RB1: variants seen among roughly 807,000 people sequenced by gnomAD.
RB1 encodes the protein retinoblastoma-associated protein.
RB1 carries 18 observed loss-of-function variants against 135.4 expected under a neutral mutation model. The ratio of observed to expected loss-of-function variants is 0.13; its 90% CI spans 0.09 to 0.20. The LOEUF is 0.20. Ranked by LOEUF, RB1 falls within the 10% of genes least tolerant of loss-of-function variation. The pLI is 1.00. For missense variants in RB1, 868 were observed against 1,110.0 expected, an observed-to-expected ratio of 0.78 and a Z score of 3.10; for synonymous variants, 365 against 373.2, an observed-to-expected ratio of 0.98 and a Z score of 0.25.
chr13:48,453,137 CCATT>C, intron 18 of RB1, 26 bp downstream of exon 18: 7 of 1,587,138 alleles, frequency 4.4e-6, no homozygotes, highest in Non-Finnish European at 6.0e-6. Context: ...GTTATGTTGA[CCATT>C]CAAACTGCAA....
At chr13:48,403,351 C>T (rs780647172) in intron 17 of RB1, among the ~76,000 whole-genome samples, 76 of 152,264 alleles carry the variant, frequency 5.0e-4, no homozygotes, top group Non-Finnish European at 1.0e-3. Context: ...AAAAAAGACA[C>T]ATATCACAGG....
intron 17 of RB1, among the ~76,000 whole-genome samples, chr13:48,442,744 T>C (rs1314352610): frequency 3.3e-5 from 5 of 152,198 alleles, no homozygotes; most frequent in African/African-American, 1.2e-4. Flanking sequence ...TCAGACATCC[T>C]CAAGTAAACC....
intron 17 of RB1, among the ~76,000 whole-genome samples, chr13:48,409,926 T>C (rs1007670316): frequency 6.6e-6 from 1 of 152,152 alleles, no homozygotes; most frequent in African/African-American, 2.4e-5. Flanking sequence ...AAAGTTTTAG[T>C]GTACTTGGTA....
chr13:48,476,197 T>C (rs1309478240), intron 24 of RB1, among the ~76,000 whole-genome samples: 1 of 152,216 alleles, frequency 6.6e-6, no homozygotes, highest in African/African-American at 2.4e-5. Flanking sequence ...ATATAATTTC[T>C]ATCAGAAAGT....
intron 12 of RB1, among the ~76,000 whole-genome samples, chr13:48,374,870 C>T (rs1952803548): frequency 6.6e-6 from 1 of 152,062 alleles, no homozygotes; most frequent in African/African-American, 2.4e-5. Context: ...TTCCTTCCCT[C>T]CTCCCTCTAG....
At chr13:48,413,306 T>C (rs1353220832) in intron 17 of RB1, among the ~76,000 whole-genome samples, 2 of 152,202 alleles carry the variant, frequency 1.3e-5, no homozygotes, top group Admixed American at 6.5e-5. Flanking sequence ...TCATTAACTC[T>C]TTTTATGTGG....
intron 17 of RB1, among the ~76,000 whole-genome samples, chr13:48,425,979 G>A (rs772419606): frequency 1.3e-5 from 2 of 152,170 alleles, no homozygotes; most frequent in African/African-American, 2.4e-5. Flanking sequence ...CTCACAAGAA[G>A]TACCCAACCC....
intron 17 of RB1, among the ~76,000 whole-genome samples, chr13:48,388,818 G>T (rs1948589540): frequency 6.6e-6 from 1 of 152,128 alleles, no homozygotes; most frequent in African/African-American, 2.4e-5. Flanking sequence ...AAAAGAGATT[G>T]AAATAGAACA....
intron 26 of RB1, among the ~76,000 whole-genome samples, chr13:48,479,439 A>C (rs1228750119): frequency 6.6e-6 from 1 of 152,226 alleles, no homozygotes; most frequent in East Asian, 1.9e-4. Context: ...GTGGCCTACA[A>C]AATGGGGCAT....
At chr13:48,334,607 C>A (rs969146209) in intron 2 of RB1, among the ~76,000 whole-genome samples, 1 of 152,172 alleles carries the variant, frequency 6.6e-6, no homozygotes, top group African/African-American at 2.4e-5. Flanking sequence ...TCACAAAGTG[C>A]AAGCTAGATA....
At chr13:48,400,818 C>A (rs1202261806) in intron 17 of RB1, among the ~76,000 whole-genome samples, 2 of 152,124 alleles carry the variant, frequency 1.3e-5, no homozygotes, top group Non-Finnish European at 2.9e-5. Context: ...TAGTACCCTT[C>A]ATTCCTTTTC....
chr13:48,327,718 G>A (rs1952300086), intron 2 of RB1, among the ~76,000 whole-genome samples: 1 of 152,190 alleles, frequency 6.6e-6, no homozygotes. Context: ...AGTTAAGAGA[G>A]TAACTGCTTG....
chr13:48,328,080 T>A, intron 2 of RB1: 1 of 840,054 alleles, frequency 1.2e-6, no homozygotes, highest in South Asian at 1.4e-5. Flanking sequence ...AAACATCATT[T>A]AATTGTCTTG....
At chr13:48,412,142 C>T in intron 17 of RB1, 3 of 1,613,858 alleles carry the variant, frequency 1.9e-6, no homozygotes, top group Non-Finnish European at 1.7e-6. Context: ...TATAAAACAG[C>T]ATCACAGAAA....
intron 17 of RB1, among the ~76,000 whole-genome samples, chr13:48,422,261 A>C (rs1197245165): frequency 6.6e-6 from 1 of 152,150 alleles, no homozygotes; most frequent in Non-Finnish European, 1.5e-5. Context: ...GCAAACTAAC[A>C]CAGGAACAGA....
rs146653159 is a variant in RB1 at position 48,434,584 on chromosome 13, T to C, written c.1696-18409T>C. Among the ~76,000 whole-genome samples, 394 of 152,226 alleles carry C rather than the reference T, an allele frequency of 2.6e-3. 1 individual carries two copies. The highest frequency in any genetic ancestry group is 9.0e-3 in the African/African-American group (375 of 41,524). On this transcript the variant is annotated intron_variant, in intron 17 of 26. Transcript: ENST00000267163. The stretch of plus-strand genomic sequence containing the variant: ...TCTTTAACCCTACAGCCGAGACTCT[T>C]TCTCAGCCCAGGAACACCAGGCCTG...
intron 17 of RB1, among the ~76,000 whole-genome samples, chr13:48,408,272 T>C (rs1452960083): frequency 6.6e-6 from 1 of 151,932 alleles, no homozygotes; most frequent in Non-Finnish European, 1.5e-5. Flanking sequence ...ATATATATAA[T>C]ACATATATTT....
In RB1 at chr13:48,380,057, A is replaced by C. The variant is rs1316072808; in HGVS notation, c.1394A>C (p.Glu465Ala). ...TTTTTAAATTATCTGTTTCAGGAAG[A>C]AGAACGATTATCCATTCAAAATTTT... ...RVMESMLKSE[E>A]ERLSIQNFSK... Residue 465 changes from glutamate (E) to alanine (A), a missense_variant, in exon 15 of 27, where the codon GAA becomes GCA. Physicochemically the swap from Glu to Ala is moderately radical, Grantham distance 107. Coordinates refer to ENST00000267163, the MANE Select transcript of RB1 (RefSeq NM_000321.3). 7.4e-7 allele frequency: 1 copy of C among 1,356,290 alleles called. No homozygotes were observed. Among genetic ancestry groups the C allele is most frequent in the Non-Finnish European group, 1.0e-6 (1 of 1,001,262 alleles). The allele number at this position is 1,356,290 out of a possible 1,614,324, so 84.0% of individuals were successfully genotyped here.
intron 11 of RB1, among the ~76,000 whole-genome samples, chr13:48,372,601 A>G (rs1268100662): frequency 6.6e-6 from 1 of 151,988 alleles, no homozygotes; most frequent in Non-Finnish European, 1.5e-5. Flanking sequence ...CAGTGAGCCA[A>G]GATTGCGCCA....
Sources: gnomAD v4.1 joint callset for allele counts (sites outside exome capture counted in the v4.1 genomes callset) on GRCh38, gnomAD v4.1.1 for gene constraint, MANE v1.5 for transcripts, NCBI Gene and HGNC (gene_info 2026-07-23, HGNC 2026-07-21) for gene names.